Variants in TRAPPC6B observed in about 807,000 individuals in gnomAD.
TRAPPC6B encodes TRAPP complex subunit 6B.
Under a neutral mutation model 24.7 loss-of-function variants are expected in TRAPPC6B, and 27 were observed. The observed-to-expected ratio is 1.09, with a 90% CI of 0.81 to 1.51. The LOEUF (loss-of-function observed/expected upper bound fraction) is 1.51, where lower values mean the gene tolerates loss of function less well. Among genes scored for constraint, TRAPPC6B ranks in the 40% most tolerant of loss-of-function variants. The pLI, the probability that TRAPPC6B is intolerant of heterozygous loss-of-function variation, is 0.00. For synonymous variants in TRAPPC6B, 80 were observed against 66.6 expected, an observed-to-expected ratio of 1.20 and a Z score of -0.98; for missense variants, 212 against 190.8, an observed-to-expected ratio of 1.11 and a Z score of -0.66.
At chr14:39,157,539 T>A (rs2052997489) in intron 3 of TRAPPC6B, 1 of 411,624 alleles carries the variant, frequency 2.4e-6, no homozygotes, top group Admixed American at 2.8e-5. Context: ...CTGCACACTA[T>A]GTGGATCCCA....
chr14:39,151,339 G>A (rs61999445), intron 5 of TRAPPC6B, among the ~76,000 whole-genome samples: 19,496 of 141,666 alleles, frequency 0.14, 1,326 homozygotes, highest in Middle Eastern at 0.19. Flanking sequence ...GCAGTGAGCC[G>A]AGATTGTGCC....
chr14:39,160,279 T>G (rs2053040260), intron 1 of TRAPPC6B, among the ~76,000 whole-genome samples: 1 of 152,046 alleles, frequency 6.6e-6, no homozygotes, highest in African/African-American at 2.4e-5. Flanking sequence ...ACCAAGTCTT[T>G]TAATAGAAAC....
chr14:39,163,996 T>C (rs1477075322), intron 1 of TRAPPC6B, among the ~76,000 whole-genome samples: 1 of 150,832 alleles, frequency 6.6e-6, no homozygotes, highest in Admixed American at 6.6e-5. Context: ...CCCCATACAC[T>C]GTAGTCCGGT....
intron 1 of TRAPPC6B, among the ~76,000 whole-genome samples, chr14:39,163,743 C>T (rs573044600): frequency 1.3e-5 from 2 of 150,960 alleles, no homozygotes; most frequent in Admixed American, 6.6e-5. Context: ...TCTAAGGAAC[C>T]ATGCACTCTG....
At chr14:39,157,119 A>AG in intron 3 of TRAPPC6B, 2 of 193,638 alleles carry the variant, frequency 1.0e-5, no homozygotes, top group Non-Finnish European at 2.1e-5. Flanking sequence ...AAAAAAAAAA[A>AG]AAAAAAAGAA....
intron 1 of TRAPPC6B, 30 bp downstream of exon 1, chr14:39,169,985 A>G (rs1438184832): frequency 8.7e-6 from 14 of 1,609,264 alleles, no homozygotes; most frequent in African/African-American, 1.3e-5. Context: ...TCACCGCAAA[A>G]GGACCTCAAG....
At position 39,149,584 on chromosome 14, in the gene TRAPPC6B, G is replaced by C. The variant is rs1438457251; in HGVS notation, c.*766C>G. On this transcript the variant is annotated 3_prime_UTR_variant, in exon 6 of 6. Coordinates refer to ENST00000330149, the MANE Select transcript of TRAPPC6B (RefSeq NM_001079537.2). Reference sequence around the variant, plus strand: ...AACTCTGCTCAGCTGGAAGAGGAAAGAAGGGAATAAAGATGTTAGATCCTT... The same window carrying C: ...AACTCTGCTCAGCTGGAAGAGGAAACAAGGGAATAAAGATGTTAGATCCTT... 3.3e-5 allele frequency: 5 copies of C among 152,294 alleles called. No homozygotes were observed. Among genetic ancestry groups the C allele is most frequent in the Admixed American group, 6.5e-5 (1 of 15,286 alleles). The allele number at this position is 152,294 out of a possible 1,614,324, so 9.4% of individuals were successfully genotyped here. A position where few individuals can be genotyped will look rare whatever the true frequency, so the allele number is the denominator to read the frequency against.
At chr14:39,161,338 C>T (rs1265538118) in intron 1 of TRAPPC6B, among the ~76,000 whole-genome samples, 1 of 152,124 alleles carries the variant, frequency 6.6e-6, no homozygotes. Context: ...TAATAGCTAC[C>T]TAACAAGTCA....
intron 4 of TRAPPC6B, among the ~76,000 whole-genome samples, chr14:39,153,323 A>G (rs2052936826): frequency 1.3e-5 from 2 of 152,002 alleles, no homozygotes; most frequent in Admixed American, 1.3e-4. Context: ...GGATACCCCA[A>G]AAATATAGAA....
At chr14:39,162,588 G>C (rs773612175) in intron 1 of TRAPPC6B, among the ~76,000 whole-genome samples, 4 of 152,066 alleles carry the variant, frequency 2.6e-5, no homozygotes, top group Non-Finnish European at 5.9e-5. Context: ...ATAAAACCTG[G>C]TATCACCTTT....
intron 1 of TRAPPC6B, among the ~76,000 whole-genome samples, chr14:39,168,384 G>C (rs889570181): frequency 2.0e-5 from 3 of 152,088 alleles, no homozygotes; most frequent in Non-Finnish European, 4.4e-5. Context: ...TGCACAAACA[G>C]TAAACCTTGA....
intron 1 of TRAPPC6B, among the ~76,000 whole-genome samples, chr14:39,162,200 GC>G (rs1390365663): frequency 3.3e-5 from 5 of 152,106 alleles, no homozygotes; most frequent in Admixed American, 3.3e-4. Context: ...TTGCTCTGTC[GC>G]CCAGGCTGCA....
In TRAPPC6B at chr14:39,170,098, CCTG is replaced by C. The variant is rs755622805; in HGVS notation, c.-6_-4del. ...AAAAACAACGCCTCATCCGCCATTTCCTGCTAATTCTTCCAAGCTTCGAGTTTT... is the reference window on the plus strand; with the variant it reads ...AAAAACAACGCCTCATCCGCCATTTCCTAATTCTTCCAAGCTTCGAGTTTT... On this transcript the variant is annotated 5_prime_UTR_variant, in exon 1 of 6. Transcript: ENST00000330149. 6.2e-7 allele frequency: 1 copy of C among 1,614,004 alleles called. No individual in the cohort carries two copies. Among genetic ancestry groups the C allele is most frequent in the Non-Finnish European group, 8.5e-7 (1 of 1,180,006 alleles).
intron 1 of TRAPPC6B, among the ~76,000 whole-genome samples, chr14:39,160,873 C>G (rs1195186129): frequency 6.6e-6 from 1 of 152,162 alleles, no homozygotes; most frequent in African/African-American, 2.4e-5. Context: ...CAGTTAGCAT[C>G]TGCATTATCA....
At chr14:39,151,945 TA>T (rs773988544) in intron 4 of TRAPPC6B, 106 bp from the exon 5 acceptor site, 13 of 765,084 alleles carry the variant, frequency 1.7e-5, no homozygotes, top group Admixed American at 3.2e-5. Context: ...CATTCCTGTT[TA>T]AAAAAAGGAT....
rs752856405 is a variant in TRAPPC6B at position 39,165,640 on chromosome 14, A to T, written c.81+4375T>A. Among the ~76,000 whole-genome samples the T allele has an allele frequency of 7.4e-5, 11 of 148,932 alleles. No individual in the cohort carries two copies. The South Asian group carries it at 8.5e-4, about 12-fold the overall frequency. On this transcript the variant is annotated intron_variant, in intron 1 of 5. Transcript: ENST00000330149. ...CAAGACTCTGTTTCTACAAAAAAAA[A>T]TTTTTTTAATTAGCTGGACATGGTA...
At chr14:39,165,640 A>AT in intron 1 of TRAPPC6B, among the ~76,000 whole-genome samples, 1 of 148,932 alleles carries the variant, frequency 6.7e-6, no homozygotes, top group East Asian at 1.9e-4. Flanking sequence ...ACAAAAAAAA[A>AT]TTTTTTTAAT....
At chr14:39,167,786 T>C (rs913976326) in intron 1 of TRAPPC6B, among the ~76,000 whole-genome samples, 15 of 152,210 alleles carry the variant, frequency 9.9e-5, no homozygotes, top group African/African-American at 3.6e-4. Flanking sequence ...ATGAACTTCC[T>C]TTCTCTTGTA....
intron 3 of TRAPPC6B, among the ~76,000 whole-genome samples, chr14:39,155,255 T>C (rs543277973): frequency 2.6e-5 from 4 of 152,208 alleles, no homozygotes; most frequent in African/African-American, 9.6e-5. Context: ...TTATTTATTT[T>C]TTTGAGACAG....
Sources: allele counts gnomAD v4.1 joint callset (sites outside exome capture counted in the v4.1 genomes callset), GRCh38; gene constraint gnomAD v4.1.1; transcripts MANE v1.5; gene names NCBI Gene and HGNC (gene_info 2026-07-23, HGNC 2026-07-21).